Variants in SHISA9 observed in about 807,000 individuals in gnomAD.
The protein encoded by SHISA9 is shisa family member 9.
In SHISA9, 13 loss-of-function variants were observed where a neutral mutation model predicts 38.0. The ratio of observed to expected loss-of-function variants is 0.34; its 90% CI spans 0.22 to 0.54. The LOEUF (loss-of-function observed/expected upper bound fraction) is 0.54, where lower values mean the gene tolerates loss of function less well. Among genes scored for constraint, SHISA9 ranks in the 20% least tolerant of loss-of-function variants. SHISA9 has a pLI of 0.91. For synonymous variants in SHISA9, 275 were observed against 242.0 expected, an observed-to-expected ratio of 1.14 and a Z score of -1.27; for missense variants, 538 against 575.8, an observed-to-expected ratio of 0.93 and a Z score of 0.67.
chr16:13,005,989 T>G (rs2072592862), intron 2 of SHISA9, among the ~76,000 whole-genome samples: 1 of 152,188 alleles, frequency 6.6e-6, no homozygotes, highest in South Asian at 2.1e-4. Flanking sequence ...GAGTCCTTTT[T>G]GATTGCAAAG....
the SHISA9 span, among the ~76,000 whole-genome samples, chr16:13,409,983 G>T: frequency 6.6e-6 from 1 of 152,222 alleles, no homozygotes. Context: ...ACTGCTTAGC[G>T]CAGTGTCCCG....
In SHISA9 at chr16:13,013,271, C is replaced by A. The variant is rs117169287; in HGVS notation, c.691+96456C>A. On this transcript the variant is annotated intron_variant, in intron 2 of 4. Transcript: ENST00000558583. ...GCAGGCTGTTTGTCCTCTGCTGGGG[C>A]TAGCTGCCACCAGCTTCCTCTGAAA... is the stretch of plus-strand genomic sequence containing the variant. Among the ~76,000 whole-genome samples, 994 of 152,296 alleles carry A rather than the reference C, an allele frequency of 6.5e-3. 7 individuals carry two copies. Among genetic ancestry groups the A allele is most frequent in the Middle Eastern group, 0.02 (6 of 294 alleles).
At chr16:13,156,548 C>T (rs1205742764) in intron 2 of SHISA9, among the ~76,000 whole-genome samples, 1 of 151,940 alleles carries the variant, frequency 6.6e-6, no homozygotes, top group African/African-American at 2.4e-5. Context: ...TCTTGGCTAA[C>T]ATGGTGAAAC....
chr16:13,443,739 A>G, the SHISA9 span, among the ~76,000 whole-genome samples: 2 of 152,356 alleles, frequency 1.3e-5, no homozygotes, highest in Admixed American at 1.3e-4. Flanking sequence ...AAAGATTAAC[A>G]TTAACAAAAT....
At chr16:13,156,628 G>T (rs1197944176) in intron 2 of SHISA9, among the ~76,000 whole-genome samples, 2 of 151,684 alleles carry the variant, frequency 1.3e-5, no homozygotes, top group African/African-American at 4.9e-5. Flanking sequence ...CAGCTACTCA[G>T]GAGGCTGAGG....
chr16:13,503,642 A>G, the SHISA9 span, among the ~76,000 whole-genome samples: 1,598 of 151,944 alleles, frequency 0.011, 31 homozygotes, highest in African/African-American at 0.037. Context: ...CATTGTACTG[A>G]TCGAAATAAG....
In SHISA9 at chr16:13,221,433, C is replaced by A. The variant is rs1020783836; in HGVS notation, c.895+8133C>A. Among the ~76,000 whole-genome samples, 3 of 126,630 alleles carry A rather than the reference C, an allele frequency of 2.4e-5. No homozygotes were observed. In the East Asian group the frequency reaches 7.3e-4, roughly 31 times the overall value. 83.1% of individuals were successfully genotyped at this position (126,630 alleles called of 152,430 possible). ...GTAGTTCAAAAGAAGAGAGAAATAC[C>A]TGGACTTTTTTTTTTTTTTTTTTTA... On this transcript the variant is annotated intron_variant, in intron 4 of 4. Coordinates refer to ENST00000558583, the MANE Select transcript of SHISA9 (RefSeq NM_001145204.3).
the SHISA9 span, among the ~76,000 whole-genome samples, chr16:13,259,798 G>C: frequency 6.6e-6 from 1 of 151,970 alleles, no homozygotes; most frequent in African/African-American, 2.4e-5. Flanking sequence ...CACACAGCAT[G>C]GGCACCCTGG....
At chr16:13,186,100 T>C (rs556704836) in intron 2 of SHISA9, among the ~76,000 whole-genome samples, 6 of 152,224 alleles carry the variant, frequency 3.9e-5, no homozygotes, top group Admixed American at 3.3e-4. Flanking sequence ...GCTTGTGACC[T>C]TGAATAAGTG....
Position 12,997,878 on chromosome 16 carries a change from A to T in SHISA9, c.691+81063A>T, listed in dbSNP as rs77027128. Among the ~76,000 whole-genome samples, 292 of 152,348 alleles carry T rather than the reference A, an allele frequency of 1.9e-3. 1 individual carries two copies. Among genetic ancestry groups the T allele is most frequent in the African/African-American group, 6.8e-3 (282 of 41,582 alleles). On this transcript the variant is annotated intron_variant, in intron 2 of 4. Transcript: ENST00000558583. The stretch of plus-strand genomic sequence containing the variant: ...CCTCTAGATATATCTCTAGATAATC[A>T]TCCACCTGAGAAGCTTGCATATTTC...
chr16:13,302,656 G>A, the SHISA9 span, among the ~76,000 whole-genome samples: 1 of 152,140 alleles, frequency 6.6e-6, no homozygotes, highest in Non-Finnish European at 1.5e-5. Context: ...CCCAGGAATG[G>A]CCACGGCCCA....
chr16:13,271,440 G>A, the SHISA9 span, among the ~76,000 whole-genome samples: 1 of 152,110 alleles, frequency 6.6e-6, no homozygotes, highest in Non-Finnish European at 1.5e-5. Context: ...TTCAGCTTAA[G>A]GTTATTATGA....
At chr16:12,974,435 CT>C (rs1414985425) in intron 2 of SHISA9, among the ~76,000 whole-genome samples, 3 of 145,522 alleles carry the variant, frequency 2.1e-5, no homozygotes, top group Non-Finnish European at 4.5e-5. Flanking sequence ...AAGAATATGA[CT>C]TTCATGTCCA....
the SHISA9 span, among the ~76,000 whole-genome samples, chr16:13,441,549 T>C: frequency 1.3e-5 from 2 of 152,312 alleles, no homozygotes; most frequent in African/African-American, 4.8e-5. Flanking sequence ...CAATGCCCTT[T>C]GTTTTGGGTT....
At chr16:13,543,103 G>A in the SHISA9 span, among the ~76,000 whole-genome samples, 19 of 152,266 alleles carry the variant, frequency 1.2e-4, no homozygotes, top group East Asian at 3.5e-3. Flanking sequence ...CCAGGTGCTG[G>A]GCAAGATGCT....
chr16:13,513,969 A>G, the SHISA9 span, among the ~76,000 whole-genome samples: 1 of 152,050 alleles, frequency 6.6e-6, no homozygotes, highest in Admixed American at 6.6e-5. Context: ...TGTGCTGCAC[A>G]TACATACCAG....
the SHISA9 span, among the ~76,000 whole-genome samples, chr16:13,362,360 C>T: frequency 2.3e-4 from 35 of 151,760 alleles, no homozygotes; most frequent in East Asian, 4.3e-3. Context: ...CCCAGGGGAT[C>T]GAGGCTGCAG....
the SHISA9 span, among the ~76,000 whole-genome samples, chr16:13,353,505 C>A: frequency 1.3e-5 from 2 of 151,730 alleles, no homozygotes; most frequent in African/African-American, 4.9e-5. Context: ...GCAGTGTAAA[C>A]AAGAGCAGGG....
intron 2 of SHISA9, among the ~76,000 whole-genome samples, chr16:13,065,463 C>A (rs2073423449): frequency 6.6e-6 from 1 of 152,200 alleles, no homozygotes; most frequent in African/African-American, 2.4e-5. Flanking sequence ...TAGGGCATGA[C>A]AAACTGAAAC....
Sources: gnomAD v4.1 joint callset for allele counts (sites outside exome capture counted in the v4.1 genomes callset) on GRCh38, gnomAD v4.1.1 for gene constraint, MANE v1.5 for transcripts, NCBI Gene and HGNC (gene_info 2026-07-23, HGNC 2026-07-21) for gene names.